The following VMP1 variants were observed in gnomAD, a reference collection of about 807,000 sequenced individuals.
The protein encoded by VMP1 is ectopic P-granules autophagy protein 3 homolog.
In VMP1, 11 loss-of-function variants were observed where a neutral mutation model predicts 56.0. That is an observed-to-expected ratio of 0.20 (90% CI 0.12 to 0.32). The LOEUF is 0.32. Ranked by LOEUF, VMP1 falls within the 10% of genes least tolerant of loss-of-function variation. The pLI is 1.00. For missense variants in VMP1, 296 were observed against 490.3 expected (o/e 0.60, Z 3.74); for synonymous variants, 149 against 165.0 (o/e 0.90, Z 0.74).
chr17:59,755,497 A>G (rs1249091989), intron 5 of VMP1, among the ~76,000 whole-genome samples: 6 of 152,104 alleles, frequency 3.9e-5, no homozygotes, highest in Non-Finnish European at 8.8e-5. Context: ...AACTAATACT[A>G]TAGAGTTCAT....
chr17:59,837,233 G>T (rs7218748), intron 10 of VMP1, among the ~76,000 whole-genome samples: 5,614 of 151,884 alleles, frequency 0.037, 377 homozygotes, highest in African/African-American at 0.13. Context: ...AAGTGAATTT[G>T]AGTCAGTGTA....
chr17:59,733,574 T>A (rs1050578738), intron 2 of VMP1, among the ~76,000 whole-genome samples: 4 of 152,088 alleles, frequency 2.6e-5, no homozygotes, highest in Admixed American at 6.6e-5. Flanking sequence ...TGGTGGCAGA[T>A]GCCTGTGATC....
intron 7 of VMP1, among the ~76,000 whole-genome samples, chr17:59,798,899 T>G (rs773796206): frequency 1.3e-5 from 2 of 151,944 alleles, no homozygotes; most frequent in South Asian, 2.1e-4. Context: ...AAGAAAAAAA[T>G]AAAAAGAAAA....
At chr17:59,781,057 G>T (rs1163687080) in intron 7 of VMP1, among the ~76,000 whole-genome samples, 4 of 152,106 alleles carry the variant, frequency 2.6e-5, no homozygotes, top group Non-Finnish European at 5.9e-5. Flanking sequence ...TAGTTGTTTT[G>T]CAGTTGAAGG....
chr17:59,835,450 T>C (rs1194996283), intron 10 of VMP1, among the ~76,000 whole-genome samples: 3 of 151,896 alleles, frequency 2.0e-5, no homozygotes, highest in African/African-American at 7.3e-5. Context: ...AGTGAAAACA[T>C]TGATTTATGA....
At chr17:59,730,671 G>A (rs1485817227) in intron 1 of VMP1, among the ~76,000 whole-genome samples, 2 of 152,100 alleles carry the variant, frequency 1.3e-5, no homozygotes, top group African/African-American at 4.8e-5. Flanking sequence ...GAAGTGATGT[G>A]CTTTTTGAGT....
chr17:59,812,775 G>A (rs1328339908), intron 9 of VMP1, among the ~76,000 whole-genome samples: 3 of 151,990 alleles, frequency 2.0e-5, no homozygotes, highest in East Asian at 1.9e-4. Context: ...TACTGAAAAC[G>A]CAAAAATTAG....
chr17:59,737,275 T>C (rs1381047444), intron 3 of VMP1, among the ~76,000 whole-genome samples, 178 bp from the exon 4 acceptor site: 7 of 152,146 alleles, frequency 4.6e-5, no homozygotes, highest in Non-Finnish European at 8.8e-5. Flanking sequence ...TTGGGTTCTC[T>C]GCCTATGTAT....
intron 7 of VMP1, among the ~76,000 whole-genome samples, chr17:59,791,418 T>G (rs1342678615): frequency 6.7e-6 from 1 of 149,588 alleles, no homozygotes; most frequent in Admixed American, 6.7e-5. Context: ...CTTGAACTCC[T>G]GACCTCAGGC....
intron 5 of VMP1, among the ~76,000 whole-genome samples, chr17:59,761,695 C>T (rs1163005537): frequency 1.3e-5 from 2 of 152,150 alleles, no homozygotes; most frequent in Admixed American, 6.6e-5. Context: ...TTACAAATCC[C>T]CAGTAATTAT....
chr17:59,794,188 G>A (rs2037346788), intron 7 of VMP1, among the ~76,000 whole-genome samples: 2 of 146,912 alleles, frequency 1.4e-5, no homozygotes, highest in African/African-American at 5.1e-5. Flanking sequence ...CCAAAGTGCT[G>A]GGATTACAGG....
intron 7 of VMP1, among the ~76,000 whole-genome samples, chr17:59,791,491 CTTT>C (rs1208305582): frequency 2.4e-5 from 3 of 127,094 alleles, no homozygotes; most frequent in Admixed American, 8.1e-5. Flanking sequence ...GTGCCCGGCT[CTTT>C]TTTTTTTTTT....
intron 5 of VMP1, among the ~76,000 whole-genome samples, chr17:59,748,205 A>C (rs2035507545): frequency 6.6e-6 from 1 of 152,026 alleles, no homozygotes; most frequent in Non-Finnish European, 1.5e-5. Context: ...CAAAAAAAAA[A>C]AAAAAAAAAA....
intron 5 of VMP1, among the ~76,000 whole-genome samples, chr17:59,759,140 C>A (rs1426785899): frequency 6.6e-6 from 1 of 152,088 alleles, no homozygotes. Flanking sequence ...CCAGCAGTCC[C>A]AGTTGGGTGG....
intron 5 of VMP1, among the ~76,000 whole-genome samples, chr17:59,758,372 T>C (rs1487682281): frequency 6.6e-6 from 1 of 152,194 alleles, no homozygotes; most frequent in African/African-American, 2.4e-5. Flanking sequence ...TATCAATTAA[T>C]GAAATATAGA....
At chr17:59,716,969 C>T (rs918908936) in intron 1 of VMP1, among the ~76,000 whole-genome samples, 3 of 152,066 alleles carry the variant, frequency 2.0e-5, no homozygotes, top group Non-Finnish European at 1.5e-5. Flanking sequence ...TCTTAGTCCT[C>T]CAATTTTTAT....
At chr17:59,815,700 C>A (rs2144247298) in intron 9 of VMP1, among the ~76,000 whole-genome samples, 1 of 151,226 alleles carries the variant, frequency 6.6e-6, no homozygotes, top group South Asian at 2.1e-4. Flanking sequence ...AAAAAAAATA[C>A]AAAAAAATTA....
At chr17:59,712,909 C>T (rs1342800854) in intron 1 of VMP1, among the ~76,000 whole-genome samples, 1 of 152,074 alleles carries the variant, frequency 6.6e-6, no homozygotes, top group Non-Finnish European at 1.5e-5. Context: ...TGAGAGTCCA[C>T]TGCATAGTCC....
intron 1 of VMP1, among the ~76,000 whole-genome samples, chr17:59,718,568 A>G (rs576415134): frequency 6.6e-6 from 1 of 151,886 alleles, no homozygotes; most frequent in East Asian, 1.9e-4. Context: ...CAGTGCCACA[A>G]TCATAGCTCA....
Sources: allele counts gnomAD v4.1 joint callset (sites outside exome capture counted in the v4.1 genomes callset), GRCh38; gene constraint gnomAD v4.1.1; transcripts MANE v1.5; gene names NCBI Gene and HGNC (gene_info 2026-07-23, HGNC 2026-07-21).